Variants in RFX3 observed in about 807,000 individuals in gnomAD.
The protein encoded by RFX3 is transcription factor RFX3.
In RFX3, 14 loss-of-function variants were observed where a neutral mutation model predicts 98.6. The observed-to-expected ratio is 0.14, with a 90% confidence interval of 0.09 to 0.22. The LOEUF is 0.22. Among genes scored for constraint, RFX3 ranks in the 10% least tolerant of loss-of-function variants. The pLI is 1.00. For missense variants in RFX3, 639 were observed against 926.9 expected, an observed-to-expected ratio of 0.69 and a Z score of 4.03; for synonymous variants, 383 against 328.4, an observed-to-expected ratio of 1.17 and a Z score of -1.80.
intron 2 of RFX3, among the ~76,000 whole-genome samples, chr9:3,376,873 G>A (rs1250977303): frequency 6.6e-6 from 1 of 152,184 alleles, no homozygotes; most frequent in East Asian, 1.9e-4. Context: ...TCAGAGAAAT[G>A]CAAATCAAAA....
intron 2 of RFX3, among the ~76,000 whole-genome samples, chr9:3,389,739 T>C (rs941014842): frequency 2.6e-5 from 4 of 152,052 alleles, no homozygotes; most frequent in African/African-American, 7.2e-5. Context: ...AAGGTATATA[T>C]AAAAAAACAT....
chr9:3,320,050 G>A (rs1394998214), intron 4 of RFX3, among the ~76,000 whole-genome samples: 1 of 152,134 alleles, frequency 6.6e-6, no homozygotes, highest in South Asian at 2.1e-4. Flanking sequence ...AATGTGAACT[G>A]TGACACCTCA....
At chr9:3,233,323 C>T (rs1306969228) in intron 15 of RFX3, among the ~76,000 whole-genome samples, 2 of 152,156 alleles carry the variant, frequency 1.3e-5, no homozygotes, top group African/African-American at 4.8e-5. Context: ...GATTTTGAGG[C>T]CTAGTATCTA....
intron 2 of RFX3, among the ~76,000 whole-genome samples, chr9:3,368,754 T>G (rs1397311704): frequency 3.9e-5 from 6 of 152,198 alleles, no homozygotes; most frequent in African/African-American, 1.4e-4. Context: ...CTGGAACCCT[T>G]CAACAAAGAA....
chr9:3,462,564 A>C (rs1847793444), intron 1 of RFX3, among the ~76,000 whole-genome samples: 1 of 152,100 alleles, frequency 6.6e-6, no homozygotes, highest in South Asian at 2.1e-4. Context: ...AGATTAATGA[A>C]AGGCACACAA....
At chr9:3,457,839 T>C (rs1847332041) in intron 1 of RFX3, among the ~76,000 whole-genome samples, 1 of 152,120 alleles carries the variant, frequency 6.6e-6, no homozygotes, top group South Asian at 2.1e-4. Flanking sequence ...AATACAAAGA[T>C]GCCTGAGATC....
chr9:3,328,157 A>T (rs1832144481), intron 4 of RFX3, among the ~76,000 whole-genome samples: 1 of 152,090 alleles, frequency 6.6e-6, no homozygotes, highest in South Asian at 2.1e-4. Context: ...AAAGTGGGAA[A>T]GGTAAATTTT....
chr9:3,499,880 T>C (rs77696029), intron 1 of RFX3, among the ~76,000 whole-genome samples: 2,663 of 152,202 alleles, frequency 0.017, 95 homozygotes, highest in African/African-American at 0.06. Context: ...AAGTGAGACA[T>C]TTTCTCTACA....
intron 1 of RFX3, among the ~76,000 whole-genome samples, chr9:3,426,320 CCTAT>C (rs1200843792): frequency 2.6e-5 from 4 of 151,742 alleles, no homozygotes; most frequent in East Asian, 1.9e-4. Flanking sequence ...ATCTCAAATA[CCTAT>C]CTTTTTTTTT....
chr9:3,376,988 T>G (rs1420089827), intron 2 of RFX3, among the ~76,000 whole-genome samples: 1 of 152,220 alleles, frequency 6.6e-6, no homozygotes, highest in Admixed American at 6.5e-5. Flanking sequence ...ACTTTTACAC[T>G]GTTGGTGGGA....
rs1586625346 is a variant in RFX3 at position 3,221,510 on chromosome 9, A to C, written c.*3532T>G. 2.6e-5 allele frequency: 4 copies of C among 152,184 alleles called. No homozygotes were observed. The South Asian group carries it at 8.3e-4, about 32-fold the overall frequency. 9.4% of individuals were successfully genotyped at this position (152,184 alleles called of 1,614,324 possible). On this transcript the variant is annotated 3_prime_UTR_variant, in exon 17 of 17. Transcript: ENST00000617270. ...TTTTTAAAGTACACCATCTAAAGAGAGGTGCATAAACCGTGCTATACAGTA... is the reference window on the plus strand; with the variant it reads ...TTTTTAAAGTACACCATCTAAAGAGCGGTGCATAAACCGTGCTATACAGTA...
intron 15 of RFX3, among the ~76,000 whole-genome samples, chr9:3,234,926 A>C (rs968376608): frequency 3.9e-4 from 60 of 152,380 alleles, no homozygotes; most frequent in African/African-American, 1.4e-3. Flanking sequence ...TATGGGCATC[A>C]ACTGATGAAG....
intron 1 of RFX3, among the ~76,000 whole-genome samples, chr9:3,455,462 T>C (rs966209441): frequency 6.6e-6 from 1 of 152,228 alleles, no homozygotes; most frequent in African/African-American, 2.4e-5. Context: ...GAAGTTATCA[T>C]AGCTGCAATT....
At position 3,504,873 on chromosome 9, in the gene RFX3, T is replaced by C. The variant is rs1476201513; in HGVS notation, c.-9+20874A>G. Among the ~76,000 whole-genome samples, 95 of 48,798 alleles carry C rather than the reference T, an allele frequency of 1.9e-3. 1 individual carries two copies. Among genetic ancestry groups the C allele is most frequent in the Non-Finnish European group, 1.7e-3 (54 of 31,424 alleles). The allele number at this position is 48,798 out of a possible 152,430, so 32.0% of individuals were successfully genotyped here. A position where few individuals can be genotyped will look rare whatever the true frequency, so the allele number is the denominator to read the frequency against. ...ATTATATATGATATAATATATATTA[T>C]ATATATTATATATAATATAACATAT... On this transcript the variant is annotated intron_variant, in intron 1 of 16. Coordinates refer to ENST00000617270, the MANE Select transcript of RFX3 (RefSeq NM_001282116.2).
intron 14 of RFX3, among the ~76,000 whole-genome samples, chr9:3,251,276 A>G (rs1275823195): frequency 1.3e-5 from 2 of 152,216 alleles, no homozygotes; most frequent in African/African-American, 4.8e-5. Flanking sequence ...TAACCCAAAA[A>G]GAAACATTTA....
chr9:3,446,842 C>A lies in RFX3; in HGVS notation c.-8-51246G>T, dbSNP rs115657138. 9.0e-3 allele frequency among the ~76,000 whole-genome samples: 1,368 copies of A among 152,098 alleles called. 28 individuals are homozygous for A. The highest frequency in any genetic ancestry group is 0.031 in the African/African-American group (1,294 of 41,488). On this transcript the variant is annotated intron_variant, in intron 1 of 16. Coordinates refer to ENST00000617270, the MANE Select transcript of RFX3 (RefSeq NM_001282116.2). ...AAATAATTTGGGTTCTTGCTGGACACTGCTGTTTTATGTTAAAATCAGGCT... is the reference window on the plus strand; with the variant it reads ...AAATAATTTGGGTTCTTGCTGGACAATGCTGTTTTATGTTAAAATCAGGCT...
At chr9:3,349,987 G>T (rs750369687) in intron 2 of RFX3, among the ~76,000 whole-genome samples, 1 of 151,986 alleles carries the variant, frequency 6.6e-6, no homozygotes, top group Non-Finnish European at 1.5e-5. Context: ...AGACAAATGA[G>T]CATCCAAAAC....
intron 1 of RFX3, among the ~76,000 whole-genome samples, chr9:3,513,896 C>T (rs549417392): frequency 9.2e-5 from 14 of 152,262 alleles, no homozygotes; most frequent in African/African-American, 2.4e-4. Context: ...AACTACTATA[C>T]AGCTCTACTC....
chr9:3,437,155 T>C (rs936617851), intron 1 of RFX3, among the ~76,000 whole-genome samples: 10 of 152,104 alleles, frequency 6.6e-5, no homozygotes, highest in African/African-American at 2.4e-4. Context: ...GCACTTTGAA[T>C]TGGTTAATTA....
Sources: gnomAD v4.1 joint callset for allele counts (sites outside exome capture counted in the v4.1 genomes callset) on GRCh38, gnomAD v4.1.1 for gene constraint, MANE v1.5 for transcripts, NCBI Gene and HGNC (gene_info 2026-07-23, HGNC 2026-07-21) for gene names.